The following RAB3GAP1 variants were observed in gnomAD, a reference collection of about 807,000 sequenced individuals.
The protein encoded by RAB3GAP1 is RAB3 GTPase activating protein catalytic subunit 1, also known as rab3 GTPase-activating protein catalytic subunit.
In RAB3GAP1, 86 loss-of-function variants were observed where a neutral mutation model predicts 130.7. The observed-to-expected ratio is 0.66, with a 90% CI of 0.55 to 0.79. RAB3GAP1 has a LOEUF of 0.79. Ranked by LOEUF, RAB3GAP1 falls within the 30% of genes least tolerant of loss-of-function variation. RAB3GAP1 has a pLI of 0.00. For missense variants in RAB3GAP1, 1,029 were observed against 1,169.4 expected, an observed-to-expected ratio of 0.88 and a Z score of 1.75; for synonymous variants, 367 against 401.7, an observed-to-expected ratio of 0.91 and a Z score of 1.03.
chr2:135,161,281 A>G (rs994102052), intron 19 of RAB3GAP1, among the ~76,000 whole-genome samples: 2 of 152,232 alleles, frequency 1.3e-5, no homozygotes, highest in African/African-American at 4.8e-5. Context: ...GTAATAGCCA[A>G]AAACTGAGGA....
At position 135,093,703 on chromosome 2, in the gene RAB3GAP1, T is replaced by G. The variant is rs749231118; in HGVS notation, c.362+10T>G. ...ATTGCCTGGTAAGATGGTAGGTATA[T>G]CTTTTACTCAGTATCTTTTAGTATG... On this transcript the variant is annotated intron_variant, in intron 5 of 23. Coordinates refer to ENST00000264158, the MANE Select transcript of RAB3GAP1 (RefSeq NM_012233.3). 4.4e-6 allele frequency: 7 copies of G among 1,591,854 alleles called. No homozygotes were observed. In the Admixed American group the frequency reaches 1.2e-4, roughly 27 times the overall value.
At chr2:135,110,904 G>T (rs189833821) in intron 5 of RAB3GAP1, among the ~76,000 whole-genome samples, 1 of 152,264 alleles carries the variant, frequency 6.6e-6, no homozygotes, top group East Asian at 1.9e-4. Context: ...TGTTGACAGT[G>T]ATTTTATACA....
intron 19 of RAB3GAP1, 23 bp from the exon 20 acceptor site, chr2:135,162,532 T>C: frequency 6.3e-7 from 1 of 1,587,460 alleles, no homozygotes; most frequent in Non-Finnish European, 8.6e-7. Context: ...GCTGATCATT[T>C]GTGTGCGCTG....
intron 17 of RAB3GAP1, among the ~76,000 whole-genome samples, chr2:135,141,955 A>G (rs1352013338): frequency 6.6e-6 from 1 of 152,140 alleles, no homozygotes; most frequent in African/African-American, 2.4e-5. Flanking sequence ...TAGCTTTATA[A>G]TAAGTCTATC....
chr2:135,084,590 G>T (rs1175399821), intron 3 of RAB3GAP1, among the ~76,000 whole-genome samples: 1 of 152,102 alleles, frequency 6.6e-6, no homozygotes, highest in Non-Finnish European at 1.5e-5. Context: ...ATTTCAGCTT[G>T]TTAGATCACA....
rs1690864354 is a variant in RAB3GAP1 at position 135,113,150 on chromosome 2, G to C, written c.363-1G>C. 1.2e-6 allele frequency: 2 copies of C among 1,613,820 alleles called. No individual in the cohort carries two copies. Among genetic ancestry groups the C allele is most frequent in the Non-Finnish European group, 1.7e-6 (2 of 1,179,990 alleles). On this transcript the variant is annotated splice_acceptor_variant, in intron 5 of 23. Transcript: ENST00000264158. LOFTEE classifies it high-confidence loss of function. ...TTAATGCAGTTAATTCTTTTTTTAA[G>C]GTATGGGCTACGTGAGTTCGTGGTG...
intron 3 of RAB3GAP1, among the ~76,000 whole-genome samples, chr2:135,069,498 C>T (rs1279940884): frequency 6.6e-6 from 1 of 151,770 alleles, no homozygotes; most frequent in Non-Finnish European, 1.5e-5. Context: ...TATAAATTGG[C>T]AAGTTTTATG....
At chr2:135,168,334 T>A (rs1484491653) in intron 23 of RAB3GAP1, among the ~76,000 whole-genome samples, 2 of 152,242 alleles carry the variant, frequency 1.3e-5, no homozygotes, top group Non-Finnish European at 2.9e-5. Flanking sequence ...CCCTCCTGTC[T>A]GTCTCCAGCC....
At chr2:135,096,944 A>C (rs996041731) in intron 5 of RAB3GAP1, among the ~76,000 whole-genome samples, 11 of 152,118 alleles carry the variant, frequency 7.2e-5, no homozygotes, top group Admixed American at 6.5e-5. Context: ...AAGTAATGAA[A>C]CCTTTCTATA....
At chr2:135,174,760 T>TA (rs1692958173), downstream of RAB3GAP1, among the ~76,000 whole-genome samples, 1 of 152,198 alleles carries the variant, frequency 6.6e-6, no homozygotes, top group South Asian at 2.1e-4. Context: ...AAAAATGAAA[T>TA]ATTTTTAGAG....
chr2:135,141,660 T>C (rs1180829254), intron 17 of RAB3GAP1, among the ~76,000 whole-genome samples: 6 of 152,230 alleles, frequency 3.9e-5, no homozygotes, highest in African/African-American at 1.2e-4. Flanking sequence ...ACTGAAGATA[T>C]TTTCTTTTCT....
rs59782185 is a variant in RAB3GAP1, at chr2:135,107,975, CAAAAAAAAAA to C, written c.363-5158_363-5149del. ...GGGCAAGAAGAGTGAAACTCCATCT[CAAAAAAAAAA>C]AAAAAAAAAAAAAAAAACTACACAA... is the stretch of plus-strand genomic sequence containing the variant. On this transcript the variant is annotated intron_variant, in intron 5 of 23. Coordinates refer to ENST00000264158, the MANE Select transcript of RAB3GAP1 (RefSeq NM_012233.3). Among the ~76,000 whole-genome samples, 3 of 51,952 alleles carry C rather than the reference CAAAAAAAAAA, an allele frequency of 5.8e-5. No homozygotes were observed. In the Admixed American group the frequency reaches 6.7e-4, roughly 12 times the overall value. 34.1% of individuals were successfully genotyped at this position (51,952 alleles called of 152,430 possible). A position where few individuals can be genotyped will look rare whatever the true frequency, so the allele number is the denominator to read the frequency against.
rs764864449 is a variant in RAB3GAP1 at position 135,117,409 on chromosome 2, T to TTTCTTCTTCTTCTTCTTCTTCTTCTTC, written c.648+2048_648+2074dup. Among the ~76,000 whole-genome samples the TTTCTTCTTCTTCTTCTTCTTCTTCTTC allele has an allele frequency of 2.6e-3, 258 of 100,218 alleles. 7 individuals carry two copies. The highest frequency in any genetic ancestry group is 6.3e-3 in the African/African-American group (177 of 27,880). 65.7% of individuals were successfully genotyped at this position (100,218 alleles called of 152,430 possible). A position where few individuals can be genotyped will look rare whatever the true frequency, so the allele number is the denominator to read the frequency against. On this transcript the variant is annotated intron_variant, in intron 7 of 23. Coordinates refer to ENST00000264158, the MANE Select transcript of RAB3GAP1 (RefSeq NM_012233.3). ...GTCACATGGAAATATCAATACTTTA[T>TTTCTTCTTCTTCTTCTTCTTCTTCTTC]TTCTTCTTCTTCTTCTTCTTCTTCT...
rs1185604463 is a variant in RAB3GAP1, at chr2:135,124,240, C to T, written c.824C>T (p.Pro275Leu). 6 of 1,613,634 alleles carry T rather than the reference C, an allele frequency of 3.7e-6. No individual in the cohort carries two copies. Among genetic ancestry groups the T allele is most frequent in the Non-Finnish European group, 5.1e-6 (6 of 1,179,542 alleles). ...TTACCATTTGGTGCCTGCGAAGATC[C>T]TATTAGGTGAGAATTTCAACCTGTC... Reference protein sequence around the residue: ...GKLPFGACEDPISELHLATTW... With the variant: ...GKLPFGACEDLISELHLATTW... The change falls in exon 9 of 24, where the codon CCT becomes CTT. Residue 275 changes from proline (P) to leucine (L), a missense_variant. Transcript: ENST00000264158.
chr2:135,157,057 C>T (rs976927448), intron 19 of RAB3GAP1, among the ~76,000 whole-genome samples: 11 of 151,992 alleles, frequency 7.2e-5, no homozygotes, highest in African/African-American at 2.4e-4. Context: ...GAAAACAAAA[C>T]GCTCCTCAAA....
chr2:135,129,995 G>T lies in RAB3GAP1; in HGVS notation c.974G>T (p.Gly325Val), dbSNP rs768880222. The change falls in exon 12 of 24, where the codon GGT becomes GTT. Residue 325 changes from glycine to valine, a missense_variant and splice_region_variant. By Grantham distance (109) the Gly-to-Val change is moderately radical. Coordinates refer to ENST00000264158, the MANE Select transcript of RAB3GAP1 (RefSeq NM_012233.3). ...AAAAATAACTTTTTTTCCTACATAGGTGATTTTGTCACTGAATTTTTTAAA... is the reference window on the plus strand; with the variant it reads ...AAAAATAACTTTTTTTCCTACATAGTTGATTTTGTCACTGAATTTTTTAAA... Reference protein sequence around the residue: ...RKAENPQCLLGDFVTEFFKIC... With the variant: ...RKAENPQCLLVDFVTEFFKIC... 6.2e-7 allele frequency: 1 copy of T among 1,601,034 alleles called. No homozygotes were observed. Among genetic ancestry groups the T allele is most frequent in the Non-Finnish European group, 8.5e-7 (1 of 1,170,186 alleles).
chr2:135,163,810 G>T lies in RAB3GAP1; in HGVS notation c.2606+709G>T, dbSNP rs557254415. On this transcript the variant is annotated intron_variant, in intron 22 of 23. Coordinates refer to ENST00000264158, the MANE Select transcript of RAB3GAP1 (RefSeq NM_012233.3). ...TTCATTAGCCTTTCCATAATAAATGGCATTATTGATGCTAAATAATTAATA... is the reference window on the plus strand; with the variant it reads ...TTCATTAGCCTTTCCATAATAAATGTCATTATTGATGCTAAATAATTAATA... Among the ~76,000 whole-genome samples the T allele has an allele frequency of 7.9e-5, 12 of 152,250 alleles. No individual in the cohort carries two copies. In the East Asian group the frequency reaches 2.3e-3, roughly 29 times the overall value.
intron 17 of RAB3GAP1, among the ~76,000 whole-genome samples, chr2:135,143,556 C>CTTT (rs770650929): frequency 4.4e-5 from 6 of 135,088 alleles, no homozygotes; most frequent in Middle Eastern, 3.9e-3. Flanking sequence ...TAACATGCTA[C>CTTT]TTTTTTTTTT....
intron 17 of RAB3GAP1, among the ~76,000 whole-genome samples, chr2:135,149,791 C>G (rs1053450237): frequency 6.6e-6 from 1 of 152,016 alleles, no homozygotes; most frequent in African/African-American, 2.4e-5. Context: ...GTAGCTGGGA[C>G]TACAGGTGCC....
Sources: allele counts gnomAD v4.1 joint callset (sites outside exome capture counted in the v4.1 genomes callset), GRCh38; gene constraint gnomAD v4.1.1; transcripts MANE v1.5; gene names NCBI Gene and HGNC (gene_info 2026-07-23, HGNC 2026-07-21).